RAD51B: variants seen among roughly 807,000 people sequenced by gnomAD.
RAD51B encodes RAD51 paralog B, also known as DNA repair protein RAD51 homolog 2.
In RAD51B, 38 loss-of-function variants were observed where a neutral mutation model predicts 42.2. The observed-to-expected ratio is 0.90, with a 90% CI of 0.70 to 1.18. RAD51B has a LOEUF of 1.18. RAD51B is among the 50% of genes most tolerant of loss of function. The pLI, the probability that RAD51B is intolerant of heterozygous loss-of-function variation, is 0.00. For missense variants in RAD51B, 373 were observed against 400.7 expected (o/e 0.93, Z 0.59); for synonymous variants, 154 against 145.2 (o/e 1.06, Z -0.43).
intron 8 of RAD51B, among the ~76,000 whole-genome samples, chr14:68,369,756 C>T (rs1274890231): frequency 6.6e-6 from 1 of 152,176 alleles, no homozygotes; most frequent in Non-Finnish European, 1.5e-5. Flanking sequence ...GTACAGGTTG[C>T]TGAGTTGGAG....
chr14:68,249,316 A>G (rs568265588), intron 7 of RAD51B, among the ~76,000 whole-genome samples: 4 of 152,342 alleles, frequency 2.6e-5, no homozygotes, highest in African/African-American at 9.6e-5. Context: ...TTGCTGAAAA[A>G]GAAAAGAATA....
At chr14:67,833,395 T>G (rs1442226117) in intron 3 of RAD51B, among the ~76,000 whole-genome samples, 1 of 152,016 alleles carries the variant, frequency 6.6e-6, no homozygotes, top group Non-Finnish European at 1.5e-5. Context: ...AAAGGAGAAT[T>G]TCAGAATTGT....
At chr14:67,872,964 A>T (rs1020308754) in intron 5 of RAD51B, among the ~76,000 whole-genome samples, 6 of 152,300 alleles carry the variant, frequency 3.9e-5, no homozygotes, top group East Asian at 1.9e-4. Context: ...ACTTAAATGT[A>T]AGACCTAAAA....
intron 7 of RAD51B, among the ~76,000 whole-genome samples, chr14:68,196,417 C>T (rs759002970): frequency 8.5e-5 from 13 of 152,054 alleles, no homozygotes; most frequent in Non-Finnish European, 1.3e-4. Context: ...GTATGGCCTA[C>T]AAAGTCCTGC....
chr14:68,513,674 G>A (rs1480928066), intron 10 of RAD51B, among the ~76,000 whole-genome samples: 2 of 152,182 alleles, frequency 1.3e-5, no homozygotes, highest in African/African-American at 4.8e-5. Flanking sequence ...AGAGAGAAAG[G>A]GGGAAACACA....
At chr14:67,862,567 A>C (rs1421429084) in intron 4 of RAD51B, among the ~76,000 whole-genome samples, 1 of 152,204 alleles carries the variant, frequency 6.6e-6, no homozygotes, top group Non-Finnish European at 1.5e-5. Context: ...GGTATTGAAA[A>C]ATGCAAGTAG....
At chr14:68,265,377 G>A (rs1227091835) in intron 7 of RAD51B, among the ~76,000 whole-genome samples, 1 of 152,180 alleles carries the variant, frequency 6.6e-6, no homozygotes, top group Non-Finnish European at 1.5e-5. Flanking sequence ...GGCATACCAG[G>A]TGCTATGTTC....
At chr14:68,388,234 C>T (rs752230532) in intron 8 of RAD51B, among the ~76,000 whole-genome samples, 61 of 151,978 alleles carry the variant, frequency 4.0e-4, no homozygotes, top group Non-Finnish European at 8.1e-4. Flanking sequence ...GGTGAGCTTG[C>T]AGGCGTGCAT....
intron 10 of RAD51B, among the ~76,000 whole-genome samples, chr14:68,644,151 C>T (rs1255412979): frequency 6.6e-6 from 1 of 152,220 alleles, no homozygotes; most frequent in Non-Finnish European, 1.5e-5. Flanking sequence ...ATTCCTGCAA[C>T]GAGCATTTAC....
intron 8 of RAD51B, among the ~76,000 whole-genome samples, chr14:68,374,422 T>G (rs2083323870): frequency 6.6e-6 from 1 of 152,208 alleles, no homozygotes; most frequent in African/African-American, 2.4e-5. Context: ...TGTTCCTGAC[T>G]GTGAAACTTT....
chr14:67,841,225 T>G (rs1056928969), intron 4 of RAD51B, among the ~76,000 whole-genome samples: 2 of 152,248 alleles, frequency 1.3e-5, no homozygotes, highest in Non-Finnish European at 2.9e-5. Context: ...CATGTATGTC[T>G]TCTTTTGAGA....
chr14:68,123,191 C>CTTTTTTTTTTTTTTTTTTTT (rs541886088), intron 7 of RAD51B, among the ~76,000 whole-genome samples: 2 of 125,502 alleles, frequency 1.6e-5, no homozygotes, highest in African/African-American at 6.3e-5. Context: ...TTCTTTCTTT[C>CTTTTTTTTTTTTTTTTTTTT]TTTTTTTTTT....
intron 7 of RAD51B, among the ~76,000 whole-genome samples, chr14:68,286,990 G>A (rs1023881523): frequency 6.6e-6 from 1 of 152,156 alleles, no homozygotes; most frequent in Non-Finnish European, 1.5e-5. Flanking sequence ...ATTTTCATTA[G>A]TGTGTGTGTT....
rs533430048 is a variant in RAD51B at position 68,530,627 on chromosome 14, G to A, written c.1036+62377G>A. Among the ~76,000 whole-genome samples, 3 of 152,054 alleles carry A rather than the reference G, an allele frequency of 2.0e-5. No homozygotes were observed. In the South Asian group the frequency reaches 6.2e-4, roughly 32 times the overall value. On this transcript the variant is annotated intron_variant, in intron 10 of 10. Coordinates refer to the RAD51B transcript ENST00000487270. Reference sequence around the variant, plus strand: ...ATCTGAAAGGGGAAAAAAATCACTTGTAAAGCCAGAGTTTTATACCTAGCT... The same window carrying A: ...ATCTGAAAGGGGAAAAAAATCACTTATAAAGCCAGAGTTTTATACCTAGCT...
rs191164937 is a variant in RAD51B, at chr14:68,212,149, G to A, written c.757-79735G>A. On this transcript the variant is annotated intron_variant, in intron 7 of 10. Coordinates refer to ENST00000471583, the MANE Select transcript of RAD51B (RefSeq NM_133510.4). Reference sequence around the variant, plus strand: ...CAAGGTCAAATTTCTGTGCCTGCAAGGCTGGGACTGGACCCAAGCTGTACA... The same window carrying A: ...CAAGGTCAAATTTCTGTGCCTGCAAAGCTGGGACTGGACCCAAGCTGTACA... Among the ~76,000 whole-genome samples the A allele has an allele frequency of 2.3e-4, 35 of 152,330 alleles. No individual in the cohort carries two copies. In the East Asian group the frequency reaches 6.6e-3, roughly 29 times the overall value.
chr14:68,409,853 A>C (rs772717410), intron 8 of RAD51B, among the ~76,000 whole-genome samples: 10 of 152,204 alleles, frequency 6.6e-5, no homozygotes, highest in Non-Finnish European at 1.3e-4. Flanking sequence ...TTTCACATTA[A>C]TTTGTGCATA....
chr14:67,945,596 G>A (rs555769121), intron 7 of RAD51B, among the ~76,000 whole-genome samples: 43 of 151,818 alleles, frequency 2.8e-4, no homozygotes, highest in Admixed American at 1.8e-3. Flanking sequence ...TCAGCCTCCC[G>A]AGTAGCTGGG....
At chr14:68,283,438 G>T (rs929963416) in intron 7 of RAD51B, among the ~76,000 whole-genome samples, 19 of 152,184 alleles carry the variant, frequency 1.2e-4, no homozygotes, top group African/African-American at 4.3e-4. Flanking sequence ...CATTGGCCTT[G>T]TTCTCTTCCA....
intron 7 of RAD51B, among the ~76,000 whole-genome samples, chr14:68,156,929 G>A (rs565743363): frequency 2.5e-4 from 38 of 152,266 alleles, no homozygotes; most frequent in African/African-American, 8.4e-4. Flanking sequence ...CAGGCATGGT[G>A]CCTCATGCCT....
Sources: gnomAD v4.1 joint callset for allele counts (sites outside exome capture counted in the v4.1 genomes callset) on GRCh38, gnomAD v4.1.1 for gene constraint, MANE v1.5 for transcripts, NCBI Gene and HGNC (gene_info 2026-07-23, HGNC 2026-07-21) for gene names.